The following FRAS1 variants were observed in gnomAD, a reference collection of about 807,000 sequenced individuals.
FRAS1 encodes the protein Fraser extracellular matrix complex subunit 1.
A neutral mutation model predicts 435.2 loss-of-function variants in FRAS1; 290 were observed. That is an observed-to-expected ratio of 0.67 (90% CI 0.61 to 0.73). The LOEUF is 0.73. Among genes scored for constraint, FRAS1 ranks in the 30% least tolerant of loss-of-function variants. The pLI, the probability that FRAS1 is intolerant of heterozygous loss-of-function variation, is 0.00. For synonymous variants in FRAS1, 1,800 were observed against 1,851.0 expected (o/e 0.97, Z 0.71); for missense variants, 4,860 against 5,001.5 (o/e 0.97, Z 0.85).
chr4:78,318,705 A>C (rs1469346388), intron 17 of FRAS1, 105 bp from the exon 18 acceptor site: 1 of 1,054,990 alleles, frequency 9.5e-7, no homozygotes, highest in African/African-American at 1.6e-5. Flanking sequence ...AATATGCTGA[A>C]AGGCTGCATT....
intron 2 of FRAS1, among the ~76,000 whole-genome samples, chr4:78,121,213 A>T (rs1425650338): frequency 6.6e-6 from 1 of 152,186 alleles, no homozygotes; most frequent in African/African-American, 2.4e-5. Context: ...TTTTCCTATC[A>T]TTTTAAGGAT....
intron 1 of FRAS1, among the ~76,000 whole-genome samples, chr4:78,060,835 A>C (rs1739729818): frequency 1.3e-5 from 2 of 152,096 alleles, no homozygotes; most frequent in Admixed American, 1.3e-4. Context: ...TTCTGGTTCT[A>C]AATTTTATTA....
intron 58 of FRAS1, among the ~76,000 whole-genome samples, chr4:78,485,853 G>A (rs181383192): frequency 6.6e-6 from 1 of 152,330 alleles, no homozygotes; most frequent in East Asian, 1.9e-4. Context: ...ACTGCCCTCT[G>A]TATAACAATG....
At chr4:78,365,752 A>AAAAAAAAAAAAC (rs1560682870) in intron 22 of FRAS1, among the ~76,000 whole-genome samples, 1 of 99,710 alleles carries the variant, frequency 1.0e-5, no homozygotes, top group Non-Finnish European at 1.8e-5. Flanking sequence ...AAAAAAAAAC[A>AAAAAAAAAAAAC]AAAAAAAAAA....
intron 1 of FRAS1, among the ~76,000 whole-genome samples, chr4:78,060,735 C>T (rs185472742): frequency 1.1e-4 from 17 of 152,246 alleles, no homozygotes; most frequent in African/African-American, 3.4e-4. Context: ...AGGTACATTA[C>T]GTGATAGCTC....
intron 2 of FRAS1, among the ~76,000 whole-genome samples, chr4:78,124,325 A>G (rs1414871235): frequency 6.6e-6 from 1 of 152,214 alleles, no homozygotes; most frequent in African/African-American, 2.4e-5. Context: ...GATGAAGCCA[A>G]CTTGATCGTG....
At chr4:78,375,059 A>G (rs1308714612) in intron 25 of FRAS1, among the ~76,000 whole-genome samples, 1 of 152,202 alleles carries the variant, frequency 6.6e-6, no homozygotes, top group African/African-American at 2.4e-5. Context: ...TAGCCTCTCT[A>G]TAACAAAATC....
intron 2 of FRAS1, among the ~76,000 whole-genome samples, chr4:78,213,101 A>G (rs1243271710): frequency 6.6e-6 from 1 of 152,192 alleles, no homozygotes; most frequent in Non-Finnish European, 1.5e-5. Flanking sequence ...GCCAAGAGCA[A>G]TTCCTACCCC....
At chr4:78,538,911 C>G (rs912313813) in intron 72 of FRAS1, among the ~76,000 whole-genome samples, 3 of 150,258 alleles carry the variant, frequency 2.0e-5, no homozygotes, top group African/African-American at 7.4e-5. Flanking sequence ...GCTGAGATCG[C>G]GCCACTGCAC....
chr4:78,124,553 A>G (rs1180935930), intron 2 of FRAS1, among the ~76,000 whole-genome samples: 1 of 152,172 alleles, frequency 6.6e-6, no homozygotes, highest in Admixed American at 6.5e-5. Flanking sequence ...GAATGGTACT[A>G]GCTCCTCTTT....
In FRAS1 at chr4:78,135,843, G is replaced by A. The variant is rs192858665; in HGVS notation, c.108+69827G>A. Reference sequence around the variant, plus strand: ...GGTATACCGTCAATTCTCATTATTTGCAATAGTCATGTTCTATAAAGTTGC... The same window carrying A: ...GGTATACCGTCAATTCTCATTATTTACAATAGTCATGTTCTATAAAGTTGC... On this transcript the variant is annotated intron_variant, in intron 2 of 73. Coordinates refer to ENST00000512123, the MANE Select transcript of FRAS1 (RefSeq NM_025074.7). Among the ~76,000 whole-genome samples, 744 of 152,204 alleles carry A rather than the reference G, an allele frequency of 4.9e-3. 28 individuals are homozygous for A. The highest frequency in any genetic ancestry group is 0.046 in the Admixed American group (707 of 15,272).
At chr4:78,260,982 T>C (rs137879587) in intron 6 of FRAS1, among the ~76,000 whole-genome samples, 5 of 152,310 alleles carry the variant, frequency 3.3e-5, no homozygotes, top group Non-Finnish European at 5.9e-5. Context: ...ATGGCTTTGA[T>C]TAATCATATC....
chr4:78,468,001 T>C (rs567668198), intron 50 of FRAS1, among the ~76,000 whole-genome samples: 1 of 152,314 alleles, frequency 6.6e-6, no homozygotes. Context: ...AGATGGCAGA[T>C]ATTTTCACCC....
chr4:78,082,322 C>T (rs1426880428), intron 2 of FRAS1, among the ~76,000 whole-genome samples: 1 of 152,064 alleles, frequency 6.6e-6, no homozygotes. Flanking sequence ...AAGTCTTTTA[C>T]TGATCACCCT....
At chr4:78,339,196 G>A (rs1333548465) in intron 20 of FRAS1, among the ~76,000 whole-genome samples, 1 of 152,226 alleles carries the variant, frequency 6.6e-6, no homozygotes, top group African/African-American at 2.4e-5. Context: ...GATGGAAGGG[G>A]CTGTTATTAC....
Position 78,413,060 on chromosome 4 carries a change from C to G in FRAS1, c.4400C>G (p.Ser1467Cys). 6.2e-7 allele frequency: 1 copy of G among 1,609,216 alleles called. No homozygotes were observed. The highest frequency in any genetic ancestry group is 8.5e-7 in the Non-Finnish European group (1 of 1,177,614). ...CAGACACCTGAAGCACCTAAAGTGT[C>G]TCTGGAAGCATCTCTCCATATGACT... is the stretch of plus-strand genomic sequence containing the variant. The part of the protein sequence containing the change: ...LPQTPEAPKV[S>C]LEASLHMTAR... The change falls in exon 32 of 74, where the codon TCT becomes TGT. Residue 1467 changes from serine (S) to cysteine (C), a missense_variant. Ser to Cys is a moderately radical substitution (Grantham distance 112). Coordinates refer to ENST00000512123, the MANE Select transcript of FRAS1 (RefSeq NM_025074.7).
chr4:78,234,900 A>G (rs1363354965), intron 2 of FRAS1, among the ~76,000 whole-genome samples: 2 of 152,230 alleles, frequency 1.3e-5, no homozygotes, highest in African/African-American at 4.8e-5. Flanking sequence ...TAGGTTCTCC[A>G]GAGAATCAAC....
chr4:78,104,581 C>T (rs990714596), intron 2 of FRAS1, among the ~76,000 whole-genome samples: 4 of 152,108 alleles, frequency 2.6e-5, no homozygotes, highest in South Asian at 4.1e-4. Context: ...TTTCGTGTTG[C>T]CTGTTAATTA....
At chr4:78,499,531 T>C (rs555470599) in intron 60 of FRAS1, among the ~76,000 whole-genome samples, 190 bp from the exon 61 acceptor site, 1 of 152,306 alleles carries the variant, frequency 6.6e-6, no homozygotes, top group African/African-American at 2.4e-5. Context: ...GAATCACAAA[T>C]AAATAATTTT....
Sources: allele counts gnomAD v4.1 joint callset (sites outside exome capture counted in the v4.1 genomes callset), GRCh38; gene constraint gnomAD v4.1.1; transcripts MANE v1.5; gene names NCBI Gene and HGNC (gene_info 2026-07-23, HGNC 2026-07-21).